The following TNRC6A variants were observed in gnomAD, a reference collection of about 807,000 sequenced individuals.
The protein encoded by TNRC6A is trinucleotide repeat-containing gene 6A protein.
In TNRC6A, 44 loss-of-function variants were observed where a neutral mutation model predicts 221.2. The observed-to-expected ratio is 0.20, with a 90% confidence interval of 0.16 to 0.26. The LOEUF (loss-of-function observed/expected upper bound fraction) is 0.26. TNRC6A is among the 10% of genes least tolerant of loss of function. TNRC6A has a pLI of 1.00. For missense variants in TNRC6A, 2,199 were observed against 2,404.4 expected (o/e 0.91, Z 1.79); for synonymous variants, 847 against 838.5 (o/e 1.01, Z -0.18).
chr16:24,753,488 G>C (rs780650587), intron 3 of TNRC6A, among the ~76,000 whole-genome samples: 2 of 152,172 alleles, frequency 1.3e-5, no homozygotes, highest in Non-Finnish European at 2.9e-5. Context: ...CAAATAATCA[G>C]CTTACAACTG....
intron 2 of TNRC6A, among the ~76,000 whole-genome samples, chr16:24,689,590 G>A (rs531349692): frequency 4.6e-5 from 7 of 151,724 alleles, no homozygotes; most frequent in East Asian, 1.9e-4. Flanking sequence ...TACATTTTTC[G>A]GAGCTCCTAT....
chr16:24,816,743 G>A, intron 19 of TNRC6A, 73 bp from the exon 20 acceptor site: 1 of 1,526,834 alleles, frequency 6.5e-7, no homozygotes, highest in Non-Finnish European at 8.8e-7. Flanking sequence ...CAGGAATAAA[G>A]GTTTTGGATA....
Position 24,638,284 on chromosome 16 carries a change from G to A in TNRC6A, n.277-2600G>A, listed in dbSNP as rs1407507693. On this transcript the variant is annotated intron_variant and non_coding_transcript_variant, in intron 1 of 2. Transcript: ENST00000566108. ...AATACAAAAATTAGCCCAGCGTGAT[G>A]GCACATGCCTGTAGTCTCAGCCACT... Among the ~76,000 whole-genome samples the A allele has an allele frequency of 3.3e-5, 5 of 152,200 alleles. No homozygotes were observed. The South Asian group carries it at 8.3e-4, about 25-fold the overall frequency.
intron 5 of TNRC6A, among the ~76,000 whole-genome samples, chr16:24,783,470 G>T (rs534067855): frequency 6.6e-6 from 1 of 151,560 alleles, no homozygotes; most frequent in Admixed American, 6.6e-5. Context: ...ACCAGTCTTC[G>T]TTCAGCCCCC....
chr16:24,651,228 C>T (rs1902627379), intron 2 of TNRC6A, among the ~76,000 whole-genome samples: 1 of 151,160 alleles, frequency 6.6e-6, no homozygotes, highest in Non-Finnish European at 1.5e-5. Flanking sequence ...TCTAAGGAAT[C>T]GTATGCCACA....
At chr16:24,746,144 C>CCATAAAGCCTTCCAAG (rs2057005405) in intron 2 of TNRC6A, among the ~76,000 whole-genome samples, 1 of 152,174 alleles carries the variant, frequency 6.6e-6, no homozygotes, top group African/African-American at 2.4e-5. Context: ...TGAAACAGCT[C>CCATAAAGCCTTCCAAG]TTATACCTGT....
intron 2 of TNRC6A, among the ~76,000 whole-genome samples, chr16:24,642,163 G>C (rs75818908): frequency 6.6e-6 from 1 of 152,154 alleles, no homozygotes; most frequent in South Asian, 2.1e-4. Context: ...AACAAAAGAG[G>C]CTCCATAGGG....
chr16:24,616,362 A>G (rs115994286), intron 1 of TNRC6A, among the ~76,000 whole-genome samples: 2,169 of 151,070 alleles, frequency 0.014, 59 homozygotes, highest in African/African-American at 0.048. Context: ...AAGAAGAAGA[A>G]AAGAAGATTG....
chr16:24,698,134 C>T (rs929232821), intron 2 of TNRC6A, among the ~76,000 whole-genome samples: 1 of 151,852 alleles, frequency 6.6e-6, no homozygotes, highest in Non-Finnish European at 1.5e-5. Context: ...TTGAGACCAG[C>T]CTGGGCAACA....
chr16:24,821,373 G>A (rs1364933159), intron 22 of TNRC6A, among the ~76,000 whole-genome samples: 2 of 152,194 alleles, frequency 1.3e-5, no homozygotes, highest in South Asian at 2.1e-4. Context: ...CAAGCGAACC[G>A]AGGGGCAGCC....
intron 2 of TNRC6A, among the ~76,000 whole-genome samples, chr16:24,666,639 G>GAAAAAAAAAA (rs1164353374): frequency 6.3e-5 from 2 of 31,508 alleles, no homozygotes; most frequent in African/African-American, 1.1e-4. Flanking sequence ...CTGTCTTAGA[G>GAAAAAAAAAA]AAAAAAAAAA....
At chr16:24,745,665 C>T (rs1015179696) in intron 2 of TNRC6A, among the ~76,000 whole-genome samples, 8 of 151,892 alleles carry the variant, frequency 5.3e-5, no homozygotes, top group African/African-American at 1.9e-4. Flanking sequence ...CCATTATTGT[C>T]ATTTCTCCCT....
chr16:24,824,554 G>A lies in TNRC6A; in HGVS notation c.*747G>A, dbSNP rs1325899374. 6.6e-6 allele frequency: 1 copy of A among 150,534 alleles called. No homozygotes were observed. Among genetic ancestry groups the A allele is most frequent in the Non-Finnish European group, 1.5e-5 (1 of 67,654 alleles). The allele number at this position is 150,534 out of a possible 1,614,324, so 9.3% of individuals were successfully genotyped here. ...GGAGGTTCTCACTTTGAACCTTCTT[G>A]TTTACAGATTTTTTTGTTTGTTTTT... is the stretch of plus-strand genomic sequence containing the variant. On this transcript the variant is annotated 3_prime_UTR_variant, in exon 25 of 25. Transcript: ENST00000395799.
chr16:24,728,664 C>T (rs74908776), upstream of TNRC6A, among the ~76,000 whole-genome samples: 7,176 of 152,204 alleles, frequency 0.047, 614 homozygotes, highest in East Asian at 0.35. Flanking sequence ...CTTACTGTAT[C>T]TACATGTATG....
At chr16:24,648,462 G>A (rs1221388410) in intron 2 of TNRC6A, among the ~76,000 whole-genome samples, 1 of 151,734 alleles carries the variant, frequency 6.6e-6, no homozygotes, top group Non-Finnish European at 1.5e-5. Context: ...AGTAGAGACG[G>A]GGTTTCACCG....
intron 18 of TNRC6A, among the ~76,000 whole-genome samples, chr16:24,812,902 T>TG (rs2058577427): frequency 3.7e-5 from 5 of 134,616 alleles, no homozygotes; most frequent in Non-Finnish European, 8.1e-5. Context: ...TTTTTTTTTT[T>TG]GAGACCCCAG....
chr16:24,665,159 T>C (rs1462669954), intron 2 of TNRC6A: 3 of 330,544 alleles, frequency 9.1e-6, no homozygotes, highest in African/African-American at 6.4e-5. Flanking sequence ...AGCCTTGAAC[T>C]CCTGGGCTCA....
At chr16:24,771,566 G>GTTATGTTATGTT (rs1567449187) in intron 4 of TNRC6A, among the ~76,000 whole-genome samples, 92 of 96,580 alleles carry the variant, frequency 9.5e-4, no homozygotes, top group African/African-American at 1.6e-3. Flanking sequence ...TATGTTTTAT[G>GTTATGTTATGTT]TTATGTTATG....
At chr16:24,655,393 T>C (rs2054888989) in intron 2 of TNRC6A, among the ~76,000 whole-genome samples, 1 of 152,138 alleles carries the variant, frequency 6.6e-6, no homozygotes, top group Non-Finnish European at 1.5e-5. Context: ...AACAGTCTTT[T>C]AAGAGTTATT....
Sources: allele counts gnomAD v4.1 joint callset (sites outside exome capture counted in the v4.1 genomes callset), GRCh38; gene constraint gnomAD v4.1.1; transcripts MANE v1.5; gene names NCBI Gene and HGNC (gene_info 2026-07-23, HGNC 2026-07-21).